The following ACAD10 variants were observed in gnomAD, a reference collection of about 807,000 sequenced individuals.
The protein encoded by ACAD10 is acyl-CoA dehydrogenase family member 10, also known as ACAD-10.
A neutral mutation model predicts 116.8 loss-of-function variants in ACAD10; 112 were observed. The observed-to-expected ratio is 0.96, with a 90% CI of 0.82 to 1.12. The LOEUF (loss-of-function observed/expected upper bound fraction) is 1.12. Ranked by LOEUF, ACAD10 falls within the 50% of genes most tolerant of loss-of-function variation. The pLI, the probability that ACAD10 is intolerant of heterozygous loss-of-function variation, is 0.00. For synonymous variants in ACAD10, 486 were observed against 510.6 expected, an observed-to-expected ratio of 0.95 and a Z score of 0.65; for missense variants, 1,259 against 1,350.2, an observed-to-expected ratio of 0.93 and a Z score of 1.06.
intron 3 of ACAD10, 97 bp downstream of exon 3, chr12:111,702,407 T>G (rs565566431): frequency 6.8e-7 from 1 of 1,465,236 alleles, no homozygotes; most frequent in East Asian, 2.3e-5. Flanking sequence ...GAAAATAAAG[T>G]GAAACCTAAT....
chr12:111,750,731 C>T (rs1003643397), intron 18 of ACAD10, among the ~76,000 whole-genome samples: 1 of 152,158 alleles, frequency 6.6e-6, no homozygotes, highest in African/African-American at 2.4e-5. Flanking sequence ...TCCTACCACC[C>T]CCAAAGTTTG....
At chr12:111,688,666 G>A (rs1178321354) in intron 1 of ACAD10, among the ~76,000 whole-genome samples, 1 of 152,074 alleles carries the variant, frequency 6.6e-6, no homozygotes, top group Non-Finnish European at 1.5e-5. Context: ...TTAGCTGGAT[G>A]TGGTGGCGAG....
At chr12:111,725,376 G>A (rs1256440775) in intron 8 of ACAD10, among the ~76,000 whole-genome samples, 1 of 152,074 alleles carries the variant, frequency 6.6e-6, no homozygotes, top group Non-Finnish European at 1.5e-5. Context: ...CAGGCGTGGA[G>A]GTGCACACCT....
rs1484423789 is a variant in ACAD10 at position 111,703,596 on chromosome 12, G to A, written c.336+1286G>A. 2.6e-5 allele frequency among the ~76,000 whole-genome samples: 4 copies of A among 152,110 alleles called. No homozygotes were observed. The East Asian group carries it at 7.7e-4, about 29-fold the overall frequency. Reference sequence around the variant, plus strand: ...CTCACACCTGTAATCCCAGCATTTTGGGAGGCCAAGGAGGGCGGATCACCT... The same window carrying A: ...CTCACACCTGTAATCCCAGCATTTTAGGAGGCCAAGGAGGGCGGATCACCT... On this transcript the variant is annotated intron_variant, in intron 3 of 20. Coordinates refer to ENST00000313698, the MANE Select transcript of ACAD10 (RefSeq NM_025247.6).
chr12:111,690,154 G>C (rs1283282105), intron 1 of ACAD10, among the ~76,000 whole-genome samples: 1 of 152,132 alleles, frequency 6.6e-6, no homozygotes, highest in African/African-American at 2.4e-5. Context: ...GCTTATAGAG[G>C]TTGAGTATCC....
chr12:111,720,792 AT>A (rs1005113597), intron 7 of ACAD10, among the ~76,000 whole-genome samples: 339 of 149,722 alleles, frequency 2.3e-3, no homozygotes, highest in Non-Finnish European at 3.5e-3. Flanking sequence ...ATTTTATTTT[AT>A]TTTTTTTTGA....
In ACAD10 at chr12:111,698,404, C is replaced by CT. The variant is rs60125993; in HGVS notation, c.188-3743dup. 0.012 allele frequency among the ~76,000 whole-genome samples: 1,597 copies of CT among 132,956 alleles called. 98 individuals are homozygous for CT. The South Asian group carries it at 0.17, about 14-fold the overall frequency. The allele number at this position is 132,956 out of a possible 152,430, so 87.2% of individuals were successfully genotyped here. A position where few individuals can be genotyped will look rare whatever the true frequency, so the allele number is the denominator to read the frequency against. ...TTCTCCCGCCTCCTGAGTAGTGAGC[C>CT]TTTTTTTTTTTTTTTAATATTATTG... is the stretch of plus-strand genomic sequence containing the variant. On this transcript the variant is annotated intron_variant, in intron 2 of 20. Transcript: ENST00000313698.
chr12:111,700,074 G>C (rs1158248110), intron 2 of ACAD10, among the ~76,000 whole-genome samples: 3 of 152,122 alleles, frequency 2.0e-5, no homozygotes, highest in Non-Finnish European at 4.4e-5. Context: ...AATAGGTAGA[G>C]CCAGGCATGC....
chr12:111,741,517 G>C (rs111461292), intron 12 of ACAD10, among the ~76,000 whole-genome samples: 11 of 152,066 alleles, frequency 7.2e-5, no homozygotes, highest in African/African-American at 2.7e-4. Context: ...GGTTTCTCTC[G>C]GCCCAGAGCT....
chr12:111,714,839 A>C (rs764202498), intron 6 of ACAD10, among the ~76,000 whole-genome samples: 4 of 151,750 alleles, frequency 2.6e-5, no homozygotes, highest in Non-Finnish European at 5.9e-5. Flanking sequence ...CAGCCTCCCG[A>C]GTAGCTGGGA....
chr12:111,714,261 A>G (rs572872330), intron 6 of ACAD10, among the ~76,000 whole-genome samples: 42 of 151,592 alleles, frequency 2.8e-4, no homozygotes, highest in African/African-American at 9.7e-4. Context: ...AAAAAAAAAA[A>G]GTTGCATGAT....
At chr12:111,735,828 A>ATTTATTTG (rs937655472) in intron 11 of ACAD10, among the ~76,000 whole-genome samples, 1 of 151,434 alleles carries the variant, frequency 6.6e-6, no homozygotes, top group African/African-American at 2.4e-5. Context: ...ATATTTATTT[A>ATTTATTTG]TTTATTTGTT....
intron 4 of ACAD10, 122 bp downstream of exon 4, chr12:111,706,054 T>C (rs572307775): frequency 2.0e-6 from 2 of 1,019,370 alleles, no homozygotes; most frequent in South Asian, 1.6e-5. Context: ...GCCACTTGAC[T>C]AAGTTAGGTT....
At chr12:111,753,726 C>T (rs1327282208) in intron 18 of ACAD10, 46 bp from the exon 19 acceptor site, 8 of 1,613,168 alleles carry the variant, frequency 5.0e-6, no homozygotes, top group Middle Eastern at 1.6e-4. Flanking sequence ...CTCGTGGCCA[C>T]CCCCAGCCCA....
intron 7 of ACAD10, among the ~76,000 whole-genome samples, chr12:111,717,776 T>G (rs1413338687): frequency 6.6e-6 from 1 of 152,104 alleles, no homozygotes; most frequent in Non-Finnish European, 1.5e-5. Flanking sequence ...CCTGAACTCT[T>G]GGCCTCAAGC....
intron 17 of ACAD10, chr12:111,748,727 A>G: frequency 1.7e-6 from 1 of 579,774 alleles, no homozygotes; most frequent in East Asian, 3.2e-5. Context: ...GTGACACAGG[A>G]AGCCATACAG....
intron 20 of ACAD10, chr12:111,756,124 A>G: frequency 7.0e-7 from 1 of 1,420,640 alleles, no homozygotes; most frequent in Non-Finnish European, 9.2e-7. Flanking sequence ...AGGCACCTGC[A>G]GAGTGGGCCT....
intron 8 of ACAD10, among the ~76,000 whole-genome samples, chr12:111,723,427 C>A (rs2135967797): frequency 7.2e-6 from 1 of 139,578 alleles, no homozygotes; most frequent in East Asian, 2.3e-4. Flanking sequence ...GGCTGACCCC[C>A]CCGCCTCCCT....
At chr12:111,696,263 A>C (rs1309435389) in intron 2 of ACAD10, among the ~76,000 whole-genome samples, 2 of 151,832 alleles carry the variant, frequency 1.3e-5, no homozygotes, top group African/African-American at 4.8e-5. Context: ...ATGTTTCTCA[A>C]GCTAGTGTCG....
Sources: gnomAD v4.1 joint callset for allele counts (sites outside exome capture counted in the v4.1 genomes callset) on GRCh38, gnomAD v4.1.1 for gene constraint, MANE v1.5 for transcripts, NCBI Gene and HGNC (gene_info 2026-07-23, HGNC 2026-07-21) for gene names.